Variants in GRM2 observed in about 807,000 individuals in gnomAD.
GRM2 encodes the protein glutamate metabotropic receptor 2.
In GRM2, 35 loss-of-function variants were observed where a neutral mutation model predicts 60.4. The ratio of observed to expected loss-of-function variants is 0.58; its 90% confidence interval spans 0.44 to 0.77. GRM2 has a LOEUF of 0.77. GRM2 is among the 30% of genes least tolerant of loss of function. The pLI is 0.00. For missense variants in GRM2, 925 were observed against 1,199.5 expected (o/e 0.77, Z 3.38); for synonymous variants, 437 against 484.1 (o/e 0.90, Z 1.28).
At position 51,718,335 on chromosome 3, in the gene GRM2, G is replaced by GT; in HGVS notation, c.*224dup. The GT allele has an allele frequency of 1.7e-6, 1 of 572,732 alleles. No individual in the cohort carries two copies. The highest frequency in any genetic ancestry group is 3.1e-6 in the Non-Finnish European group (1 of 318,652). 35.5% of individuals were successfully genotyped at this position (572,732 alleles called of 1,614,324 possible). Reference sequence around the variant, plus strand: ...GTGGCCACTAACTGCCCTTGTAGCTGTGTTTCCTCCTGGCCAGGCCCAGGG... The same window carrying GT: ...GTGGCCACTAACTGCCCTTGTAGCTGTTGTTTCCTCCTGGCCAGGCCCAGGG... On this transcript the variant is annotated 3_prime_UTR_variant, in exon 6 of 6. Transcript: ENST00000395052. This position sits in a 1 kb window ranked among gnomAD's most constrained non-coding sequence, Gnocchi z 4.2.
Position 51,716,250 on chromosome 3 carries a change from A to AGGG in GRM2, c.2364+115_2364+117dup. 1.4e-6 allele frequency: 1 copy of AGGG among 709,822 alleles called. No homozygotes were observed. 44.0% of individuals were successfully genotyped at this position (709,822 alleles called of 1,614,324 possible). Reference sequence around the variant, plus strand: ...GGTTCCAAGAGGATAATGCCCACTCAGGGGACCACAGCTTGTGTGGATCCC... The same window carrying AGGG: ...GGTTCCAAGAGGATAATGCCCACTCAGGGGGGGACCACAGCTTGTGTGGATCCC... On this transcript the variant is annotated intron_variant, in intron 4 of 5. Transcript: ENST00000395052. This position sits in a 1 kb window ranked among gnomAD's most constrained non-coding sequence, Gnocchi z 4.0.
Position 51,715,127 on chromosome 3 carries a change from C to T in GRM2, c.1354C>T (p.Arg452Cys), listed in dbSNP as rs769103089. Reference protein sequence around the residue: ...RFDRFGDGIGRYNIFTYLRAG... With the variant: ...RFDRFGDGIGCYNIFTYLRAG... ...TGACCGCTTTGGTGATGGTATTGGCCGCTACAACATCTTCACCTATCTGCG... is the reference window on the plus strand; with the variant it reads ...TGACCGCTTTGGTGATGGTATTGGCTGCTACAACATCTTCACCTATCTGCG... Residue 452 changes from arginine to cysteine, a missense_variant, in exon 4 of 6, where the codon CGC becomes TGC. Transcript: ENST00000395052. This position sits in a 1 kb window ranked among gnomAD's most constrained non-coding sequence, Gnocchi z 9.0. 4.0e-5 allele frequency: 65 copies of T among 1,608,616 alleles called. No individual in the cohort carries two copies. The highest frequency in any genetic ancestry group is 5.0e-5 in the Non-Finnish European group (59 of 1,176,966).
Position 51,712,767 on chromosome 3 carries a change from G to C in GRM2, c.745G>C (p.Ala249Pro). ...AGTGGGCCGTGCCATGAGCCGCGCG[G>C]CCTTTGAGGGTGTGGTGCGAGCCCT... ...EKVGRAMSRAAFEGVVRALLQ... is the reference protein window; with the variant it reads ...EKVGRAMSRAPFEGVVRALLQ... The change falls in exon 3 of 6, where the codon GCC becomes CCC. Residue 249 changes from alanine (A) to proline (P), a missense_variant. Coordinates refer to ENST00000395052, the MANE Select transcript of GRM2 (RefSeq NM_000839.5). This position sits in a 1 kb window ranked among gnomAD's most constrained non-coding sequence, Gnocchi z 5.3. 1 of 1,613,322 alleles carries C rather than the reference G, an allele frequency of 6.2e-7. No individual in the cohort carries two copies. The highest frequency in any genetic ancestry group is 8.5e-7 in the Non-Finnish European group (1 of 1,180,042).
chr3:51,709,467 G>A, intron 2 of GRM2, 34 bp downstream of exon 2: 1 of 1,438,324 alleles, frequency 7.0e-7, no homozygotes, highest in East Asian at 2.5e-5. Context: ...GGGCTAGGGA[G>A]GGAGGCCGGA....
rs749163251 is a variant in GRM2 at position 51,715,766 on chromosome 3, C to T, written c.1993C>T (p.Arg665Trp). 6.2e-6 allele frequency: 10 copies of T among 1,613,434 alleles called. No individual in the cohort carries two copies. Among genetic ancestry groups the T allele is most frequent in the African/African-American group, 5.3e-5 (4 of 74,928 alleles). The change falls in exon 4 of 6, where the codon CGG becomes TGG. Residue 665 changes from arginine to tryptophan, a missense_variant. Arg to Trp is a moderately radical substitution (Grantham distance 101). Coordinates refer to ENST00000395052, the MANE Select transcript of GRM2 (RefSeq NM_000839.5). This position sits in a 1 kb window ranked among gnomAD's most constrained non-coding sequence, Gnocchi z 9.0. The stretch of plus-strand genomic sequence containing the variant: ...CATTGCACGCATCTTCGGTGGGGCC[C>T]GGGAGGGTGCCCAGCGGCCACGCTT... ...NRIARIFGGA[R>W]EGAQRPRFIS...
rs752295101 is a variant in GRM2, at chr3:51,709,238, T to C, written c.255T>C (p.Gly85=). The part of the protein sequence containing the change: ...DPHLLPGVRL[G]AHILDSCSKD... ...ACCTGCTGCCTGGCGTGCGCCTGGG[T>C]GCACACATCCTCGACAGTTGCTCCA... The change falls in exon 2 of 6, where the codon GGT becomes GGC. Residue 85 remains glycine (G), a synonymous_variant. Coordinates refer to ENST00000395052, the MANE Select transcript of GRM2 (RefSeq NM_000839.5). 1.2e-6 allele frequency: 2 copies of C among 1,607,472 alleles called. No homozygotes were observed. The highest frequency in any genetic ancestry group is 4.5e-5 in the East Asian group (2 of 44,692).
intron 3 of GRM2, 187 bp from the exon 4 acceptor site, chr3:51,714,875 C>G: frequency 4.2e-6 from 2 of 475,416 alleles, no homozygotes; most frequent in South Asian, 5.0e-5. Flanking sequence ...AGGAGTAAGA[C>G]TTTGTTGTCA....
rs928081186 is a variant in GRM2, at chr3:51,716,314, T to C, written c.2364+177T>C. 1.3e-5 allele frequency among the ~76,000 whole-genome samples: 2 copies of C among 151,974 alleles called. No homozygotes were observed. Among genetic ancestry groups the C allele is most frequent in the Non-Finnish European group, 2.9e-5 (2 of 67,988 alleles). Reference sequence around the variant, plus strand: ...GAGGGCTGAATAGGACCTAGGGAAATGGCCAGGGAGGTGGGGAACTCGAGT... The same window carrying C: ...GAGGGCTGAATAGGACCTAGGGAAACGGCCAGGGAGGTGGGGAACTCGAGT... On this transcript the variant is annotated intron_variant, in intron 4 of 5. Coordinates refer to ENST00000395052, the MANE Select transcript of GRM2 (RefSeq NM_000839.5). The surrounding 1 kb of genome is among the most constrained non-coding windows in gnomAD (Gnocchi z 4.0).
rs182581697 is a variant in GRM2, at chr3:51,713,881, A to G, written c.1288+571A>G. The G allele has an allele frequency of 9.9e-5, 42 of 422,184 alleles. No individual in the cohort carries two copies. Among genetic ancestry groups the G allele is most frequent in the African/African-American group, 7.5e-4 (37 of 49,158 alleles). The allele number at this position is 422,184 out of a possible 1,614,324, so 26.2% of individuals were successfully genotyped here. On this transcript the variant is annotated intron_variant, in intron 3 of 5. Coordinates refer to ENST00000395052, the MANE Select transcript of GRM2 (RefSeq NM_000839.5). The surrounding 1 kb of genome is among the most constrained non-coding windows in gnomAD (Gnocchi z 4.8). ...AAGCGATCCTTCTGCCTCAGTCTCC[A>G]GAGTAGCTAGGATGACAGGCATGTG...
At position 51,712,378 on chromosome 3, in the gene GRM2, A is replaced by G. The variant is rs1019015135; in HGVS notation, c.451-95A>G. 2.5e-6 allele frequency: 2 copies of G among 808,982 alleles called. No individual in the cohort carries two copies. Among genetic ancestry groups the G allele is most frequent in the Non-Finnish European group, 4.2e-6 (2 of 478,602 alleles). The allele number at this position is 808,982 out of a possible 1,614,324, so 50.1% of individuals were successfully genotyped here. On this transcript the variant is annotated intron_variant, in intron 2 of 5. Transcript: ENST00000395052. The surrounding 1 kb of genome is among the most constrained non-coding windows in gnomAD (Gnocchi z 5.3). ...GGAGCCTTTAGGCCTGACCTTGTGG[A>G]CACTTGACACCAAGACCTGCTAGCT...
At chr3:51,707,776 GC>G (rs1383646088) in intron 1 of GRM2, 1 of 152,392 alleles carries the variant, frequency 6.6e-6, no homozygotes, top group Non-Finnish European at 1.5e-5. Flanking sequence ...GTTAGTTGCT[GC>G]CCTTCTTCAA....
In GRM2 at chr3:51,713,082, C is replaced by T. The variant is rs748192650; in HGVS notation, c.1060C>T (p.Arg354Cys). 35 of 1,613,030 alleles carry T rather than the reference C, an allele frequency of 2.2e-5. No homozygotes were observed. The highest frequency in any genetic ancestry group is 9.3e-5 in the African/African-American group (7 of 74,938). The change falls in exon 3 of 6, where the codon CGC becomes TGC. Residue 354 changes from arginine (R) to cysteine (C), a missense_variant. Physicochemically the swap from Arg to Cys is radical, Grantham distance 180 (BLOSUM62 -3). Transcript: ENST00000395052. This position sits in a 1 kb window ranked among gnomAD's most constrained non-coding sequence, Gnocchi z 4.8. ...CCGTGAATTCTGGGAGCAGAGGTTC[C>T]GCTGCAGCTTCCGGCAGCGAGACTG... Reference protein sequence around the residue: ...WFREFWEQRFRCSFRQRDCAA... With the variant: ...WFREFWEQRFCCSFRQRDCAA...
chr3:51,710,477 G>GTGTGAGGTGTGTGAGGGTGTGTGA, intron 2 of GRM2, among the ~76,000 whole-genome samples: 1 of 152,216 alleles, frequency 6.6e-6, no homozygotes, highest in African/African-American at 2.4e-5. Context: ...AGGCAGTGGT[G>GTGTGAGGTGTGTGAGGGTGTGTGA]GAGGGGAACT....
chr3:51,713,104 A>G lies in GRM2; in HGVS notation c.1082A>G (p.Asp361Gly). ...TTCCGCTGCAGCTTCCGGCAGCGAG[A>G]CTGCGCAGCCCACTCTCTCCGGGCT... Reference protein sequence around the residue: ...QRFRCSFRQRDCAAHSLRAVP... With the variant: ...QRFRCSFRQRGCAAHSLRAVP... The change falls in exon 3 of 6, where the codon GAC becomes GGC. Residue 361 changes from aspartate (D) to glycine (G), a missense_variant. Coordinates refer to ENST00000395052, the MANE Select transcript of GRM2 (RefSeq NM_000839.5). This position sits in a 1 kb window ranked among gnomAD's most constrained non-coding sequence, Gnocchi z 4.8. 1 of 1,613,118 alleles carries G rather than the reference A, an allele frequency of 6.2e-7. No homozygotes were observed. Among genetic ancestry groups the G allele is most frequent in the Non-Finnish European group, 8.5e-7 (1 of 1,180,030 alleles).
In GRM2 at chr3:51,718,445, G is replaced by A. The variant is rs1446168498; in HGVS notation, c.*333G>A. On this transcript the variant is annotated 3_prime_UTR_variant, in exon 6 of 6. Transcript: ENST00000395052. The surrounding 1 kb of genome is among the most constrained non-coding windows in gnomAD (Gnocchi z 4.2). ...GGCCCCAGTCCTAACCAGCAAAGGT[G>A]CTTCCAGCCCAGCCCCTCCCCCCAA... The A allele has an allele frequency of 6.7e-6, 2 of 299,298 alleles. No individual in the cohort carries two copies. Among genetic ancestry groups the A allele is most frequent in the Non-Finnish European group, 1.2e-5 (2 of 160,158 alleles). 18.5% of individuals were successfully genotyped at this position (299,298 alleles called of 1,614,324 possible).
Position 51,718,088 on chromosome 3 carries a change from G to A in GRM2, c.2595G>A (p.Val865=), listed in dbSNP as rs147758967. 2.2e-4 allele frequency: 353 copies of A among 1,614,070 alleles called. No homozygotes were observed. The African/African-American group carries it at 3.9e-3, about 18-fold the overall frequency. ...VPTVCNGREV[V]DSTTSSL ...CTGTTTGCAATGGCCGTGAGGTGGTGGACTCGACAACGTCATCGCTTTGAA... is the reference window on the plus strand; with the variant it reads ...CTGTTTGCAATGGCCGTGAGGTGGTAGACTCGACAACGTCATCGCTTTGAA... The change falls in exon 6 of 6, where the codon GTG becomes GTA. Residue 865 remains valine (V), a synonymous_variant. Transcript: ENST00000395052. The surrounding 1 kb of genome is among the most constrained non-coding windows in gnomAD (Gnocchi z 4.2).
In GRM2 at chr3:51,717,570, A is replaced by C; in HGVS notation, c.2365-67A>C. The C allele has an allele frequency of 2.3e-6, 3 of 1,290,198 alleles. No individual in the cohort carries two copies. Among genetic ancestry groups the C allele is most frequent in the Non-Finnish European group, 3.3e-6 (3 of 906,146 alleles). The allele number at this position is 1,290,198 out of a possible 1,614,324, so 79.9% of individuals were successfully genotyped here. A position where few individuals can be genotyped will look rare whatever the true frequency, so the allele number is the denominator to read the frequency against. ...TCCCCCACTCCCTCCCCCACAGATC[A>C]GGCAGGGGGTCCTGGGGTCAGGCCC... On this transcript the variant is annotated intron_variant, in intron 4 of 5. Transcript: ENST00000395052. This position sits in a 1 kb window ranked among gnomAD's most constrained non-coding sequence, Gnocchi z 6.0.
chr3:51,709,276 C>G lies in GRM2; in HGVS notation c.293C>G (p.Ala98Gly). ...GACAGTTGCTCCAAGGACACACATG[C>G]GCTGGAGCAGGCACTGGACTTTGTG... ...ILDSCSKDTH[A>G]LEQALDFVRA... Residue 98 changes from alanine (A) to glycine (G), a missense_variant, in exon 2 of 6, where the codon GCG becomes GGG. Physicochemically the swap from Ala to Gly is moderately conservative, Grantham distance 60 (BLOSUM62 0). Coordinates refer to ENST00000395052, the MANE Select transcript of GRM2 (RefSeq NM_000839.5). The G allele has an allele frequency of 3.1e-6, 5 of 1,604,556 alleles. No individual in the cohort carries two copies. Among genetic ancestry groups the G allele is most frequent in the Non-Finnish European group, 4.3e-6 (5 of 1,173,358 alleles).
rs768518694 is a variant in GRM2 at position 51,712,931 on chromosome 3, G to A, written c.909G>A (p.Val303=). The change falls in exon 3 of 6, where the codon GTG becomes GTA. Residue 303 remains valine, a synonymous_variant. Transcript: ENST00000395052. The surrounding 1 kb of genome is among the most constrained non-coding windows in gnomAD (Gnocchi z 5.3). ...ATGGTTGGGGGGCCCTGGAGAGTGT[G>A]GTGGCAGGCAGTGAGGGGGCTGCTG... ...ASDGWGALES[V]VAGSEGAAEG... 1.9e-6 allele frequency: 3 copies of A among 1,613,064 alleles called. No individual in the cohort carries two copies. In the South Asian group the frequency reaches 3.3e-5, roughly 18 times the overall value.
Sources: allele counts gnomAD v4.1 joint callset (sites outside exome capture counted in the v4.1 genomes callset), GRCh38; gene constraint gnomAD v4.1.1; non-coding constraint Gnocchi (gnomAD v3.1); transcripts MANE v1.5; gene names NCBI Gene and HGNC (gene_info 2026-07-23, HGNC 2026-07-21).